NETO1: variants seen among roughly 807,000 people sequenced by gnomAD.
NETO1 encodes neuropilin and tolloid like 1, also known as neuropilin and tolloid-like protein 1.
A neutral mutation model predicts 61.3 loss-of-function variants in NETO1; 26 were observed. The ratio of observed to expected loss-of-function variants is 0.42; its 90% CI spans 0.31 to 0.59. The LOEUF is 0.59. Ranked by LOEUF, NETO1 falls within the 20% of genes least tolerant of loss-of-function variation. The pLI, the probability that NETO1 is intolerant of heterozygous loss-of-function variation, is 0.12. For synonymous variants in NETO1, 225 were observed against 225.8 expected (o/e 1.00, Z 0.03); for missense variants, 531 against 662.8 (o/e 0.80, Z 2.18).
At chr18:72,861,746 C>T (rs1372282151) in intron 3 of NETO1, among the ~76,000 whole-genome samples, 3 of 152,174 alleles carry the variant, frequency 2.0e-5, no homozygotes, top group Non-Finnish European at 2.9e-5. Flanking sequence ...TTATGTATCC[C>T]TCTTTCTCTT....
In NETO1 at chr18:72,867,320, C is replaced by T. The variant is rs1267537568; in HGVS notation, c.-29G>A. On this transcript the variant is annotated 5_prime_UTR_variant, in exon 1 of 11. Transcript: ENST00000327305. The stretch of plus-strand genomic sequence containing the variant: ...TGTGCGTTACACCAGAGGCTCCGGG[C>T]TCCACTAATTCCATTTAGAGACGGG... 1.3e-6 allele frequency: 2 copies of T among 1,558,792 alleles called. No homozygotes were observed.
In NETO1 at chr18:72,867,419, G is replaced by T; in HGVS notation, c.-128C>A. On this transcript the variant is annotated 5_prime_UTR_variant, in exon 1 of 11. Transcript: ENST00000327305. ...GCAAAGCAAGAAGGAAATAAAGGGG[G>T]GCCGAGAGGGAGACCGAGAGGAAGG... 1 of 571,680 alleles carries T rather than the reference G, an allele frequency of 1.7e-6. No individual in the cohort carries two copies. 35.4% of individuals were successfully genotyped at this position (571,680 alleles called of 1,614,324 possible). A position where few individuals can be genotyped will look rare whatever the true frequency, so the allele number is the denominator to read the frequency against.
At chr18:72,860,475 T>C (rs372211522) in intron 3 of NETO1, among the ~76,000 whole-genome samples, 2 of 152,322 alleles carry the variant, frequency 1.3e-5, no homozygotes, top group South Asian at 2.1e-4. Context: ...ATTGGAGACC[T>C]ACAGAATAAA....
At chr18:72,771,809 T>C (rs1014532337) in intron 7 of NETO1, among the ~76,000 whole-genome samples, 5 of 152,164 alleles carry the variant, frequency 3.3e-5, no homozygotes, top group African/African-American at 9.7e-5. Context: ...ACCCACATCA[T>C]TGCAATAGGA....
chr18:72,825,681 T>A (rs113747909), intron 4 of NETO1, among the ~76,000 whole-genome samples: 18 of 152,298 alleles, frequency 1.2e-4, no homozygotes, highest in Admixed American at 1.1e-3. Flanking sequence ...TTCTAACAGC[T>A]ACTTTGAGTG....
intron 7 of NETO1, among the ~76,000 whole-genome samples, chr18:72,778,791 T>C (rs1460799850): frequency 1.3e-5 from 2 of 152,168 alleles, no homozygotes; most frequent in Non-Finnish European, 2.9e-5. Flanking sequence ...GTCTTGTTCA[T>C]GGCAACGTAA....
At chr18:72,799,977 T>G (rs1187685283) in intron 4 of NETO1, among the ~76,000 whole-genome samples, 5 of 152,234 alleles carry the variant, frequency 3.3e-5, no homozygotes, top group African/African-American at 1.2e-4. Flanking sequence ...ATAAAGTGAC[T>G]GCATTCAAAG....
At chr18:72,836,337 A>G (rs1054258696) in intron 4 of NETO1, among the ~76,000 whole-genome samples, 25 of 152,024 alleles carry the variant, frequency 1.6e-4, no homozygotes, top group Non-Finnish European at 2.4e-4. Context: ...TACTTATCTC[A>G]TAAGTTAGTT....
intron 4 of NETO1, among the ~76,000 whole-genome samples, chr18:72,823,818 T>C (rs1475353102): frequency 2.0e-5 from 3 of 152,226 alleles, no homozygotes; most frequent in African/African-American, 4.8e-5. Flanking sequence ...TTCTGCCTTC[T>C]TGCCACAAAG....
chr18:72,784,320 TA>T (rs1439099947), intron 6 of NETO1, among the ~76,000 whole-genome samples: 1 of 151,468 alleles, frequency 6.6e-6, no homozygotes, highest in Admixed American at 6.6e-5. Flanking sequence ...ATGTGATTTT[TA>T]TTAATACCAA....
chr18:72,750,336 A>G lies in NETO1; in HGVS notation c.1267T>C (p.Ser423Pro). The G allele has an allele frequency of 6.2e-7, 1 of 1,613,874 alleles. No individual in the cohort carries two copies. The part of the protein sequence containing the change: ...DFENYHKLRR[S>P]SSKCIHDHHC... ...TGGTCATGAATGCATTTGGAAGATG[A>G]CCTCCGCAGTTTATGGTAATTTTCA... Residue 423 changes from serine (S) to proline (P), a missense_variant, in exon 9 of 11, where the codon TCA (serine) becomes CCA (proline). Transcript: ENST00000327305.
At chr18:72,759,757 A>G (rs764823101) in intron 7 of NETO1, among the ~76,000 whole-genome samples, 9 of 152,192 alleles carry the variant, frequency 5.9e-5, no homozygotes, top group African/African-American at 1.9e-4. Flanking sequence ...ACCAATTTAC[A>G]TAAGACTTAT....
Position 72,853,850 on chromosome 18 carries a change from T to C in NETO1, c.469+4976A>G, listed in dbSNP as rs143909089. ...CAAAATTTAAATGAAACTTTAGTTG[T>C]TGAATAAATAATACGAAGATTTTTT... On this transcript the variant is annotated intron_variant, in intron 4 of 10. Transcript: ENST00000327305. Among the ~76,000 whole-genome samples, 1,295 of 152,256 alleles carry C rather than the reference T, an allele frequency of 8.5e-3. 20 individuals are homozygous for C. The highest frequency in any genetic ancestry group is 0.029 in the African/African-American group (1,208 of 41,584).
intron 7 of NETO1, among the ~76,000 whole-genome samples, chr18:72,763,126 G>T (rs1448534196): frequency 2.2e-5 from 3 of 134,230 alleles, no homozygotes; most frequent in Non-Finnish European, 5.1e-5. Context: ...TATTCTATTA[G>T]ATTTCGTTTT....
At chr18:72,853,711 C>T (rs928327131) in intron 4 of NETO1, among the ~76,000 whole-genome samples, 5 of 149,540 alleles carry the variant, frequency 3.3e-5, no homozygotes, top group South Asian at 2.1e-4. Flanking sequence ...GAGCCAAGAT[C>T]GCACCACTGC....
Position 72,859,084 on chromosome 18 carries a change from A to G in NETO1, c.221-10T>C. The G allele has an allele frequency of 6.3e-7, 1 of 1,583,596 alleles. No homozygotes were observed. The highest frequency in any genetic ancestry group is 2.3e-5 in the East Asian group (1 of 44,350). On this transcript the variant is annotated splice_polypyrimidine_tract_variant and intron_variant, in intron 3 of 10. Transcript: ENST00000327305. ...CACTGTCTTGGAGCGGCTGTAAAGA[A>G]GAAAGATTGTGTCTAGGAGGTCATT...
intron 4 of NETO1, among the ~76,000 whole-genome samples, chr18:72,796,348 T>C (rs1238101097): frequency 1.3e-5 from 2 of 152,248 alleles, no homozygotes; most frequent in East Asian, 3.8e-4. Context: ...CTGTTGAAAC[T>C]GAGAGGCTTG....
intron 4 of NETO1, among the ~76,000 whole-genome samples, chr18:72,826,329 T>C (rs747719437): frequency 1.3e-5 from 2 of 152,172 alleles, no homozygotes; most frequent in Non-Finnish European, 2.9e-5. Context: ...TTAACACTTA[T>C]CTTTTCATAT....
chr18:72,778,990 T>A (rs1483347720), intron 7 of NETO1, among the ~76,000 whole-genome samples: 1 of 152,164 alleles, frequency 6.6e-6, no homozygotes, highest in Non-Finnish European at 1.5e-5. Context: ...ACATTAAAAA[T>A]TCCAACCTCT....
Sources: allele counts gnomAD v4.1 joint callset (sites outside exome capture counted in the v4.1 genomes callset), GRCh38; gene constraint gnomAD v4.1.1; transcripts MANE v1.5; gene names NCBI Gene and HGNC (gene_info 2026-07-23, HGNC 2026-07-21).